Variants in MYT1L observed in about 807,000 individuals in gnomAD.
MYT1L encodes the protein myelin transcription factor 1 like, also known as myelin transcription factor 1-like protein.
In MYT1L, 12 loss-of-function variants were observed where a neutral mutation model predicts 126.7. The ratio of observed to expected loss-of-function variants is 0.09; its 90% CI spans 0.06 to 0.15. The LOEUF (loss-of-function observed/expected upper bound fraction) is 0.15, where lower values mean the gene tolerates loss of function less well. MYT1L is among the 10% of genes least tolerant of loss of function. The pLI is 1.00. For synonymous variants in MYT1L, 541 were observed against 604.2 expected (o/e 0.90, Z 1.53); for missense variants, 979 against 1,585.2 (o/e 0.62, Z 6.49).
At chr2:1,835,347 G>A (rs1365475077) in intron 21 of MYT1L, among the ~76,000 whole-genome samples, 1 of 152,154 alleles carries the variant, frequency 6.6e-6, no homozygotes, top group African/African-American at 2.4e-5. Context: ...ACACAAAAGT[G>A]TTGAATATCT....
chr2:2,288,732 C>T (rs566489998), intron 1 of MYT1L, among the ~76,000 whole-genome samples: 1 of 152,244 alleles, frequency 6.6e-6, no homozygotes, highest in East Asian at 1.9e-4. Flanking sequence ...TTAGACAGTG[C>T]TGATCTAGAG....
intron 4 of MYT1L, among the ~76,000 whole-genome samples, chr2:2,013,080 C>T (rs1424782358): frequency 2.0e-5 from 3 of 152,250 alleles, no homozygotes; most frequent in East Asian, 1.9e-4. Context: ...CAGGAGAACA[C>T]GCGATTCTAG....
chr2:1,913,978 G>C (rs769909349), intron 11 of MYT1L, among the ~76,000 whole-genome samples: 74 of 152,074 alleles, frequency 4.9e-4, no homozygotes, highest in Non-Finnish European at 6.0e-4. Flanking sequence ...AAACCCTTCC[G>C]GGCGTGGTGG....
chr2:2,007,879 A>G (rs1041394482), intron 4 of MYT1L, among the ~76,000 whole-genome samples: 1 of 152,192 alleles, frequency 6.6e-6, no homozygotes, highest in African/African-American at 2.4e-5. Context: ...GCCTTCCCCC[A>G]AACCCAACTG....
chr2:2,043,122 C>A (rs937294098), intron 4 of MYT1L, among the ~76,000 whole-genome samples: 1 of 152,158 alleles, frequency 6.6e-6, no homozygotes, highest in African/African-American at 2.4e-5. Context: ...AGGGTTTCAG[C>A]CCCTGGTTCA....
intron 3 of MYT1L, among the ~76,000 whole-genome samples, chr2:2,101,225 A>C (rs1489385117): frequency 6.6e-6 from 1 of 152,102 alleles, no homozygotes; most frequent in Non-Finnish European, 1.5e-5. Flanking sequence ...TTTGTAGTAG[A>C]TACTTTTTTC....
intron 18 of MYT1L, among the ~76,000 whole-genome samples, chr2:1,861,387 C>G (rs1387061396): frequency 6.6e-6 from 1 of 152,142 alleles, no homozygotes; most frequent in Non-Finnish European, 1.5e-5. Context: ...ATTTCTAGAG[C>G]CACCTAGACA....
chr2:2,293,733 G>A (rs1186432989), intron 1 of MYT1L, among the ~76,000 whole-genome samples: 1 of 152,182 alleles, frequency 6.6e-6, no homozygotes, highest in Non-Finnish European at 1.5e-5. Context: ...GGCAGGAGGT[G>A]GACACCAACC....
intron 3 of MYT1L, among the ~76,000 whole-genome samples, chr2:2,091,032 T>C (rs1235226271): frequency 2.6e-5 from 4 of 152,216 alleles, no homozygotes; most frequent in Non-Finnish European, 5.9e-5. Flanking sequence ...TTGGGTGAAC[T>C]TAAAATCATC....
intron 3 of MYT1L, among the ~76,000 whole-genome samples, chr2:2,138,846 A>T (rs79993185): frequency 5.2e-4 from 63 of 122,192 alleles, no homozygotes; most frequent in Non-Finnish European, 1.0e-3. Flanking sequence ...AAGTATAATT[A>T]AAAAAAAAAA....
At chr2:2,257,985 T>G (rs1269325708) in intron 2 of MYT1L, among the ~76,000 whole-genome samples, 1 of 131,322 alleles carries the variant, frequency 7.6e-6, no homozygotes, top group Non-Finnish European at 1.6e-5. Flanking sequence ...CTACCTGACT[T>G]CAAACTATAC....
At chr2:1,983,631 GA>G (rs1242056304) in intron 5 of MYT1L, among the ~76,000 whole-genome samples, 1 of 152,176 alleles carries the variant, frequency 6.6e-6, no homozygotes, top group Admixed American at 6.5e-5. Context: ...CTACCCGCCT[GA>G]AAAGAATGCT....
intron 21 of MYT1L, among the ~76,000 whole-genome samples, chr2:1,835,091 G>C (rs950938864): frequency 6.7e-6 from 1 of 149,736 alleles, no homozygotes; most frequent in Non-Finnish European, 1.5e-5. Context: ...CACGGGGATG[G>C]ATACAGGTGC....
At chr2:2,100,720 G>C (rs2077970070) in intron 3 of MYT1L, among the ~76,000 whole-genome samples, 1 of 152,074 alleles carries the variant, frequency 6.6e-6, no homozygotes, top group Admixed American at 6.5e-5. Flanking sequence ...CTAGTCCCCT[G>C]GGTAATGGTG....
intron 3 of MYT1L, among the ~76,000 whole-genome samples, chr2:2,120,947 A>G (rs1374256692): frequency 6.6e-6 from 1 of 151,968 alleles, no homozygotes; most frequent in Non-Finnish European, 1.5e-5. Context: ...GTCCATTTCC[A>G]GTGAACCTGT....
chr2:1,988,240 C>T (rs1244682270), intron 5 of MYT1L, among the ~76,000 whole-genome samples: 3 of 152,180 alleles, frequency 2.0e-5, no homozygotes, highest in Non-Finnish European at 4.4e-5. Flanking sequence ...AGCTGCACCT[C>T]CGGGGTGGAG....
In MYT1L at chr2:1,922,948, A is replaced by G. The variant is rs758193939; in HGVS notation, c.821T>C (p.Val274Ala). The G allele has an allele frequency of 1.9e-6, 3 of 1,613,918 alleles. No homozygotes were observed. The highest frequency in any genetic ancestry group is 2.5e-6 in the Non-Finnish European group (3 of 1,179,900). Residue 274 changes from valine (V) to alanine (A), a missense_variant, in exon 10 of 25, where the codon GTT (valine) becomes GCT (alanine). Val to Ala is a moderately conservative substitution (Grantham distance 64, BLOSUM62 0). Coordinates refer to ENST00000647738, the MANE Select transcript of MYT1L (RefSeq NM_001303052.2). The surrounding 1 kb of genome is among the most constrained non-coding windows in gnomAD (Gnocchi z 7.4). ...SLKLLAQGHGVVLSENMNDRN... is the reference protein window; with the variant it reads ...SLKLLAQGHGAVLSENMNDRN... ...GTCATTCATGTTTTCTGAGAGCACA[A>G]CACCGTGTCCTTGGGCTAATAGTTT...
chr2:2,320,810 A>G (rs940114378), intron 1 of MYT1L, among the ~76,000 whole-genome samples: 8 of 152,208 alleles, frequency 5.3e-5, no homozygotes, highest in African/African-American at 1.9e-4. Flanking sequence ...GCTGGTTCAC[A>G]GGAAGCCACA....
At chr2:2,143,793 G>A (rs1041966599) in intron 3 of MYT1L, among the ~76,000 whole-genome samples, 8 of 152,088 alleles carry the variant, frequency 5.3e-5, no homozygotes, top group East Asian at 1.9e-4. Flanking sequence ...TCAAAAGAAC[G>A]AAATCGTGTC....
Sources: allele counts gnomAD v4.1 joint callset (sites outside exome capture counted in the v4.1 genomes callset), GRCh38; gene constraint gnomAD v4.1.1; non-coding constraint Gnocchi (gnomAD v3.1); transcripts MANE v1.5; gene names NCBI Gene and HGNC (gene_info 2026-07-23, HGNC 2026-07-21).